The following OSBPL5 variants were observed in gnomAD, a reference collection of about 807,000 sequenced individuals.
OSBPL5 encodes the protein oxysterol-binding protein-related protein 5.
OSBPL5 carries 71 observed loss-of-function variants against 111.2 expected under a neutral mutation model. The ratio of observed to expected loss-of-function variants is 0.64; its 90% CI spans 0.53 to 0.78. The LOEUF (loss-of-function observed/expected upper bound fraction) is 0.78. OSBPL5 is among the 30% of genes least tolerant of loss of function. OSBPL5 has a pLI of 0.00. For missense variants in OSBPL5, 1,210 were observed against 1,189.3 expected, an observed-to-expected ratio of 1.02 and a Z score of -0.26; for synonymous variants, 549 against 513.9, an observed-to-expected ratio of 1.07 and a Z score of -0.93.
chr11:3,145,486 C>T (rs186826629), intron 1 of OSBPL5, among the ~76,000 whole-genome samples: 32 of 152,348 alleles, frequency 2.1e-4, no homozygotes, highest in African/African-American at 7.2e-4. Flanking sequence ...TGGAAGCCAC[C>T]CCTGCCCAGC....
At position 3,092,944 on chromosome 11, in the gene OSBPL5, C is replaced by T. The variant is rs758147831; in HGVS notation, c.2055G>A (p.Gln685=). The T allele has an allele frequency of 6.3e-7, 1 of 1,582,324 alleles. No individual in the cohort carries two copies. The highest frequency in any genetic ancestry group is 1.2e-5 in the South Asian group (1 of 86,366). The change falls in exon 18 of 22, where the codon CAG becomes CAA. Residue 685 remains glutamine (Q), a synonymous_variant. Coordinates refer to ENST00000263650, the MANE Select transcript of OSBPL5 (RefSeq NM_020896.4). This position sits in a 1 kb window ranked among gnomAD's most constrained non-coding sequence, Gnocchi z 5.4. ...GCGGCTTCCAGGGCATGAGGCTCTC[C>T]TGCCGCTCACGGGCCCGCTGCCGCT... is the stretch of plus-strand genomic sequence containing the variant. The part of the protein sequence containing the change: ...EAQRQRARER[Q]ESLMPWKPQL...
chr11:3,158,916 G>A (rs879500744), intron 1 of OSBPL5, among the ~76,000 whole-genome samples: 36 of 152,208 alleles, frequency 2.4e-4, no homozygotes, highest in Admixed American at 5.2e-4. Flanking sequence ...GGTGTTGCCC[G>A]TGTGCAGGAG....
chr11:3,106,253 AAAC>A lies in OSBPL5; in HGVS notation c.1059+1007_1059+1009del, dbSNP rs1190146849. On this transcript the variant is annotated intron_variant, in intron 9 of 21. Coordinates refer to ENST00000263650, the MANE Select transcript of OSBPL5 (RefSeq NM_020896.4). The surrounding 1 kb of genome is among the most constrained non-coding windows in gnomAD (Gnocchi z 8.4). ...GCAAGATGCGAACACGACGCTGTCC[AAAC>A]AACAGCAAGGAACGAATTCCCCTTT... 2.0e-5 allele frequency among the ~76,000 whole-genome samples: 3 copies of A among 152,016 alleles called. No homozygotes were observed. Among genetic ancestry groups the A allele is most frequent in the Non-Finnish European group, 4.4e-5 (3 of 67,970 alleles).
At chr11:3,116,770 G>T (rs1013285634) in intron 7 of OSBPL5, among the ~76,000 whole-genome samples, 2 of 148,242 alleles carry the variant, frequency 1.3e-5, no homozygotes, top group Non-Finnish European at 3.0e-5. Flanking sequence ...CAGGAGAATT[G>T]CTTGAACCCA....
rs965352850 is a variant in OSBPL5, at chr11:3,129,271, G to A, written c.-21-102C>T. ...CTGGCTAAGAAGTCCCCCTCTCAGG[G>A]GACTTCTGAGGCAGGGTGAGGAGGG... On this transcript the variant is annotated intron_variant, in intron 1 of 21. Transcript: ENST00000263650. 6 of 1,133,072 alleles carry A rather than the reference G, an allele frequency of 5.3e-6. No individual in the cohort carries two copies. The African/African-American group carries it at 9.8e-5, about 18-fold the overall frequency. 70.2% of individuals were successfully genotyped at this position (1,133,072 alleles called of 1,614,324 possible). A position where few individuals can be genotyped will look rare whatever the true frequency, so the allele number is the denominator to read the frequency against.
At position 3,107,763 on chromosome 11, in the gene OSBPL5, C is replaced by T; in HGVS notation, c.866+8G>A. The T allele has an allele frequency of 1.9e-6, 3 of 1,610,844 alleles. No individual in the cohort carries two copies. In the South Asian group the frequency reaches 3.3e-5, roughly 18 times the overall value. On this transcript the variant is annotated splice_region_variant and intron_variant, in intron 8 of 21. Transcript: ENST00000263650. This position sits in a 1 kb window ranked among gnomAD's most constrained non-coding sequence, Gnocchi z 6.1. ...CACCACCAGCCCCTGTGCCCTCGCCCCACTCACGGGAACAGGTCTTGGTCT... is the reference window on the plus strand; with the variant it reads ...CACCACCAGCCCCTGTGCCCTCGCCTCACTCACGGGAACAGGTCTTGGTCT...
intron 14 of OSBPL5, among the ~76,000 whole-genome samples, chr11:3,095,725 C>T (rs954317062): frequency 2.0e-5 from 3 of 152,126 alleles, no homozygotes; most frequent in Non-Finnish European, 2.9e-5. Context: ...TGGGATTTAT[C>T]CTAAAACAAA....
intron 10 of OSBPL5, among the ~76,000 whole-genome samples, chr11:3,103,819 C>CA (rs1564830449): frequency 2.3e-5 from 1 of 44,010 alleles, no homozygotes; most frequent in East Asian, 1.9e-3. Context: ...TTCCTGCCTG[C>CA]GCAGCCCCCT....
Position 3,102,249 on chromosome 11 carries a change from C to T in OSBPL5, c.1359G>A (p.Gly453=), listed in dbSNP as rs1857486784. 2 of 1,607,826 alleles carry T rather than the reference C, an allele frequency of 1.2e-6. No individual in the cohort carries two copies. Among genetic ancestry groups the T allele is most frequent in the South Asian group, 2.2e-5 (2 of 89,494 alleles). The change falls in exon 12 of 22, where the codon GGG becomes GGA. Residue 453 remains glycine, a synonymous_variant. Transcript: ENST00000263650. ...GIKKPYNPIL[G]ETFRCCWFHP... ...GGAACCAGCAGCAGCGGAAGGTCTC[C>T]CCCAGGATGGGGTTGTACGGCTTCT... is the stretch of plus-strand genomic sequence containing the variant.
chr11:3,123,249 C>A (rs1321157509), intron 3 of OSBPL5, among the ~76,000 whole-genome samples: 1 of 152,214 alleles, frequency 6.6e-6, no homozygotes, highest in East Asian at 1.9e-4. Flanking sequence ...AGAACCAGGT[C>A]TAAAGCCTGC....
At chr11:3,112,079 G>GTA (rs1858005329) in intron 7 of OSBPL5, among the ~76,000 whole-genome samples, 1 of 134,130 alleles carries the variant, frequency 7.5e-6, no homozygotes, top group Non-Finnish European at 1.7e-5. Context: ...GTGTGCATGT[G>GTA]TGTGTGCATG....
At position 3,141,670 on chromosome 11, in the gene OSBPL5, C is replaced by T. The variant is rs926601387; in HGVS notation, c.-21-12501G>A. ...AGCTCGCACCTCGCTCAATGCATTG[C>T]CAAGTTGCGATTCTCATGCATCCCA... On this transcript the variant is annotated intron_variant, in intron 1 of 21. Transcript: ENST00000263650. This position sits in a 1 kb window ranked among gnomAD's most constrained non-coding sequence, Gnocchi z 6.5. Among the ~76,000 whole-genome samples, 4 of 152,172 alleles carry T rather than the reference C, an allele frequency of 2.6e-5. No individual in the cohort carries two copies. The highest frequency in any genetic ancestry group is 7.2e-5 in the African/African-American group (3 of 41,432).
At position 3,162,555 on chromosome 11, in the gene OSBPL5, C is replaced by T. The variant is rs1239334843; in HGVS notation, c.-22+2661G>A. Among the ~76,000 whole-genome samples, 7 of 151,998 alleles carry T rather than the reference C, an allele frequency of 4.6e-5. No homozygotes were observed. The highest frequency in any genetic ancestry group is 9.7e-5 in the African/African-American group (4 of 41,368). On this transcript the variant is annotated intron_variant, in intron 1 of 21. Transcript: ENST00000263650. This position sits in a 1 kb window ranked among gnomAD's most constrained non-coding sequence, Gnocchi z 8.1. ...AACAACTGTGATGCTAAGAGAACAA[C>T]GCGGTCCTTAGTCCAAGTCCTTTGT... is the stretch of plus-strand genomic sequence containing the variant.
chr11:3,155,511 A>C (rs1211900372), intron 1 of OSBPL5, among the ~76,000 whole-genome samples: 4 of 103,258 alleles, frequency 3.9e-5, no homozygotes, highest in Non-Finnish European at 8.3e-5. Context: ...TCTGCCACTC[A>C]CCCCAGGTCT....
Position 3,113,984 on chromosome 11 carries a change from A to G in OSBPL5, c.691+5563T>C, listed in dbSNP as rs1858108806. Among the ~76,000 whole-genome samples the G allele has an allele frequency of 1.3e-5, 2 of 152,234 alleles. No individual in the cohort carries two copies. Among genetic ancestry groups the G allele is most frequent in the African/African-American group, 4.8e-5 (2 of 41,466 alleles). On this transcript the variant is annotated intron_variant, in intron 7 of 21. Transcript: ENST00000263650. The surrounding 1 kb of genome is among the most constrained non-coding windows in gnomAD (Gnocchi z 4.8). Reference sequence around the variant, plus strand: ...AAATAATGACAATTGCAGTTTTTATAAATAATCTAGGTAAATGATTAAAAT... The same window carrying G: ...AAATAATGACAATTGCAGTTTTTATGAATAATCTAGGTAAATGATTAAAAT...
At chr11:3,094,578 G>A (rs1857192206) in intron 14 of OSBPL5, 1 of 467,638 alleles carries the variant, frequency 2.1e-6, no homozygotes, top group Non-Finnish European at 3.8e-6. Flanking sequence ...CACGGAGCCT[G>A]GGAGGCACGC....
chr11:3,093,103 T>C (rs1857123238), intron 17 of OSBPL5, 51 bp from the exon 18 acceptor site: 2 of 1,446,992 alleles, frequency 1.4e-6, no homozygotes, highest in African/African-American at 1.4e-5. Context: ...GCCCGACCCC[T>C]AGGCAGCTAG....
rs573699566 is a variant in OSBPL5, at chr11:3,154,126, G to A, written c.-22+11090C>T. Among the ~76,000 whole-genome samples, 5 of 152,358 alleles carry A rather than the reference G, an allele frequency of 3.3e-5. No individual in the cohort carries two copies. The highest frequency in any genetic ancestry group is 4.1e-4 in the South Asian group (2 of 4,830). On this transcript the variant is annotated intron_variant, in intron 1 of 21. Transcript: ENST00000263650. The surrounding 1 kb of genome is among the most constrained non-coding windows in gnomAD (Gnocchi z 4.9). Reference sequence around the variant, plus strand: ...CACTCTCCCTGGGAGGAAAGGCCCCGTGTGGTGTCCAGAGAGCTGCTGTAG... The same window carrying A: ...CACTCTCCCTGGGAGGAAAGGCCCCATGTGGTGTCCAGAGAGCTGCTGTAG...
Position 3,154,572 on chromosome 11 carries a change from C to A in OSBPL5, c.-22+10644G>T, listed in dbSNP as rs1253797185. On this transcript the variant is annotated intron_variant, in intron 1 of 21. Coordinates refer to ENST00000263650, the MANE Select transcript of OSBPL5 (RefSeq NM_020896.4). The surrounding 1 kb of genome is among the most constrained non-coding windows in gnomAD (Gnocchi z 4.9). The stretch of plus-strand genomic sequence containing the variant: ...CACACACTCATGGGTGCGGAAGGCT[C>A]TGATCACATCAAAATCTTACTCCGG... Among the ~76,000 whole-genome samples, 1 of 152,206 alleles carries A rather than the reference C, an allele frequency of 6.6e-6. No homozygotes were observed. Among genetic ancestry groups the A allele is most frequent in the Non-Finnish European group, 1.5e-5 (1 of 68,046 alleles).
Sources: gnomAD v4.1 joint callset for allele counts (sites outside exome capture counted in the v4.1 genomes callset) on GRCh38, gnomAD v4.1.1 for gene constraint, Gnocchi (gnomAD v3.1) non-coding constraint, MANE v1.5 for transcripts, NCBI Gene and HGNC (gene_info 2026-07-23, HGNC 2026-07-21) for gene names.